The following SLC25A13 variants were observed in gnomAD, a reference collection of about 807,000 sequenced individuals.
SLC25A13 encodes solute carrier family 25 member 13.
In SLC25A13, 70 loss-of-function variants were observed where a neutral mutation model predicts 85.5. The observed-to-expected ratio is 0.82, with a 90% CI of 0.68 to 1.00. The LOEUF (loss-of-function observed/expected upper bound fraction) is 1.00, where lower values mean the gene tolerates loss of function less well. Among genes scored for constraint, SLC25A13 ranks in the 50% least tolerant of loss-of-function variants. SLC25A13 has a pLI of 0.00. For synonymous variants in SLC25A13, 259 were observed against 288.7 expected (o/e 0.90, Z 1.04); for missense variants, 765 against 819.8 (o/e 0.93, Z 0.82).
intron 3 of SLC25A13, among the ~76,000 whole-genome samples, chr7:96,272,825 T>C (rs1359102093): frequency 6.6e-6 from 1 of 152,172 alleles, no homozygotes; most frequent in East Asian, 1.9e-4. Context: ...GGACAATATA[T>C]ACAGGAGAAA....
intron 4 of SLC25A13, among the ~76,000 whole-genome samples, chr7:96,215,638 T>G (rs1463446027): frequency 6.6e-6 from 1 of 152,044 alleles, no homozygotes; most frequent in Non-Finnish European, 1.5e-5. Flanking sequence ...AATTAACTCA[T>G]AATGGATCAA....
intron 3 of SLC25A13, among the ~76,000 whole-genome samples, chr7:96,262,894 G>A (rs1241536698): frequency 6.6e-6 from 1 of 152,000 alleles, no homozygotes; most frequent in Non-Finnish European, 1.5e-5. Flanking sequence ...TATGGGCAGT[G>A]AAAATATTTA....
chr7:96,224,219 A>G (rs1421449075), intron 4 of SLC25A13, among the ~76,000 whole-genome samples: 2 of 152,152 alleles, frequency 1.3e-5, no homozygotes, highest in African/African-American at 4.8e-5. Context: ...TGAAGCCTAA[A>G]TAATGATCAC....
At chr7:96,141,496 G>A (rs1792560896) in intron 14 of SLC25A13, among the ~76,000 whole-genome samples, 1 of 152,176 alleles carries the variant, frequency 6.6e-6, no homozygotes, top group Admixed American at 6.5e-5. Context: ...GGATCACTTT[G>A]GCTGCTGTGG....
rs1224658803 is a variant in SLC25A13 at position 96,283,819 on chromosome 7, TAAAAAAAAAAA to T, written c.70-6492_70-6482del. 212 of 80,942 alleles carry T rather than the reference TAAAAAAAAAAA, an allele frequency of 2.6e-3. 1 individual carries two copies. The highest frequency in any genetic ancestry group is 2.7e-3 in the Non-Finnish European group (123 of 44,912). 5.0% of individuals were successfully genotyped at this position (80,942 alleles called of 1,614,324 possible). ...TATGACTTCATGGCAAATAGGTGTT[TAAAAAAAAAAA>T]AAAAAAAAAAAAAAGACCTCTGGAT... On this transcript the variant is annotated intron_variant, in intron 2 of 17. Coordinates refer to ENST00000265631, the MANE Select transcript of SLC25A13 (RefSeq NM_014251.3).
At chr7:96,297,550 TCTCAAA>T (rs1799392539) in intron 1 of SLC25A13, among the ~76,000 whole-genome samples, 1 of 152,024 alleles carries the variant, frequency 6.6e-6, no homozygotes, top group African/African-American at 2.4e-5. Flanking sequence ...GCCAGGCTGG[TCTCAAA>T]CTCCTGACCT....
chr7:96,250,293 T>C (rs961462524), intron 3 of SLC25A13, among the ~76,000 whole-genome samples: 1 of 152,218 alleles, frequency 6.6e-6, no homozygotes, highest in Non-Finnish European at 1.5e-5. Context: ...CCTTAGGGGC[T>C]TTCAGGGTTT....
chr7:96,250,673 A>G (rs976398916), intron 3 of SLC25A13, among the ~76,000 whole-genome samples: 7 of 148,234 alleles, frequency 4.7e-5, no homozygotes, highest in Non-Finnish European at 1.0e-4. Flanking sequence ...GAAGCAGTCT[A>G]CTTGGGGAGG....
intron 13 of SLC25A13, among the ~76,000 whole-genome samples, chr7:96,147,839 C>G (rs779045282): frequency 6.6e-6 from 1 of 151,992 alleles, no homozygotes; most frequent in Non-Finnish European, 1.5e-5. Flanking sequence ...TACTGGTACA[C>G]ATTTCCCCCT....
intron 1 of SLC25A13, chr7:96,306,933 A>G: frequency 2.1e-6 from 2 of 947,680 alleles, no homozygotes; most frequent in Admixed American, 1.8e-5. Context: ...AGCCAGTCCC[A>G]CCACACTCGC....
chr7:96,189,526 C>T (rs1207546296), intron 8 of SLC25A13, 55 bp downstream of exon 8: 6 of 1,564,354 alleles, frequency 3.8e-6, no homozygotes, highest in Admixed American at 1.7e-5. Flanking sequence ...TGCCCTCCTC[C>T]TAACCTCCTT....
At chr7:96,209,006 A>G in intron 4 of SLC25A13, 29 bp from the exon 5 acceptor site, 2 of 1,611,812 alleles carry the variant, frequency 1.2e-6, no homozygotes, top group South Asian at 1.1e-5. Context: ...GGTTGATTAA[A>G]ACAAAGTAAA....
intron 15 of SLC25A13, among the ~76,000 whole-genome samples, chr7:96,125,752 G>GT (rs199956538): frequency 2.0e-4 from 29 of 147,900 alleles, no homozygotes; most frequent in African/African-American, 7.1e-4. Context: ...ATTCTAGAGG[G>GT]GTTTTTTTTT....
intron 2 of SLC25A13, among the ~76,000 whole-genome samples, chr7:96,295,459 C>T (rs895301004): frequency 6.6e-6 from 1 of 152,172 alleles, no homozygotes; most frequent in Non-Finnish European, 1.5e-5. Flanking sequence ...ATCATACTGC[C>T]TACTCATTTT....
chr7:96,186,874 C>G (rs1371936153), intron 9 of SLC25A13, among the ~76,000 whole-genome samples: 2 of 152,096 alleles, frequency 1.3e-5, no homozygotes, highest in Non-Finnish European at 2.9e-5. Context: ...AAGAGGTTTA[C>G]ATATATATGC....
At chr7:96,211,917 T>G (rs1224361776) in intron 4 of SLC25A13, among the ~76,000 whole-genome samples, 1 of 152,226 alleles carries the variant, frequency 6.6e-6, no homozygotes, top group Admixed American at 6.5e-5. Flanking sequence ...CACTCCAGGT[T>G]TTCCTGATGC....
chr7:96,147,056 G>A (rs902379413), intron 13 of SLC25A13, among the ~76,000 whole-genome samples: 1 of 46,238 alleles, frequency 2.2e-5, no homozygotes, highest in Non-Finnish European at 3.9e-5. Flanking sequence ...AAAAGCATTC[G>A]TATCCAAATG....
chr7:96,260,741 C>A (rs967656877), intron 3 of SLC25A13, among the ~76,000 whole-genome samples: 1 of 152,086 alleles, frequency 6.6e-6, no homozygotes, highest in East Asian at 1.9e-4. Flanking sequence ...CCAAATCCAA[C>A]CACTTCTTAC....
chr7:96,268,343 T>C (rs570194415), intron 3 of SLC25A13, among the ~76,000 whole-genome samples: 1 of 152,340 alleles, frequency 6.6e-6, no homozygotes, highest in South Asian at 2.1e-4. Flanking sequence ...TATACAAAGC[T>C]TTATTCTCAT....
Sources: allele counts gnomAD v4.1 joint callset (sites outside exome capture counted in the v4.1 genomes callset), GRCh38; gene constraint gnomAD v4.1.1; transcripts MANE v1.5; gene names NCBI Gene and HGNC (gene_info 2026-07-23, HGNC 2026-07-21).